The following STARD13 variants were observed in gnomAD, a reference collection of about 807,000 sequenced individuals.
STARD13 encodes the protein stAR-related lipid transfer protein 13.
A neutral mutation model predicts 106.4 loss-of-function variants in STARD13; 62 were observed. The observed-to-expected ratio is 0.58, with a 90% CI of 0.48 to 0.72. The LOEUF is 0.72. STARD13 is among the 30% of genes least tolerant of loss of function. STARD13 has a pLI of 0.00. For missense variants in STARD13, 1,387 were observed against 1,424.0 expected, an observed-to-expected ratio of 0.97 and a Z score of 0.42; for synonymous variants, 565 against 553.0, an observed-to-expected ratio of 1.02 and a Z score of -0.31.
At chr13:33,345,711 A>C (rs773707449), downstream of STARD13, among the ~76,000 whole-genome samples, 6 of 152,172 alleles carry the variant, frequency 3.9e-5, no homozygotes, top group Non-Finnish European at 7.4e-5. Flanking sequence ...GTTCTTCTTT[A>C]ACAATAACTC....
the STARD13 span, among the ~76,000 whole-genome samples, chr13:33,381,939 C>T: frequency 6.6e-6 from 1 of 152,222 alleles, no homozygotes; most frequent in Non-Finnish European, 1.5e-5. Flanking sequence ...CACCTGCCCC[C>T]TCTAGGGCTT....
At chr13:33,182,685 G>A (rs567485072) in intron 1 of STARD13, among the ~76,000 whole-genome samples, 5 of 152,322 alleles carry the variant, frequency 3.3e-5, no homozygotes, top group Middle Eastern at 3.4e-3. Flanking sequence ...GGCTGCATGC[G>A]GCCTGGGGCC....
chr13:33,528,248 A>ATATATACATATATATGTATATG, the STARD13 span, among the ~76,000 whole-genome samples: 1 of 129,804 alleles, frequency 7.7e-6, no homozygotes, highest in African/African-American at 3.5e-5. Flanking sequence ...ATATACATAT[A>ATATATACATATATATGTATATG]TATATATACA....
chr13:33,557,592 T>C, the STARD13 span, among the ~76,000 whole-genome samples: 1 of 152,230 alleles, frequency 6.6e-6, no homozygotes, highest in African/African-American at 2.4e-5. Context: ...TTTCTCTTTA[T>C]ATTTCTAGTA....
chr13:33,255,194 G>A (rs555975784), intron 1 of STARD13, among the ~76,000 whole-genome samples: 5 of 151,968 alleles, frequency 3.3e-5, no homozygotes, highest in African/African-American at 7.2e-5. Flanking sequence ...GAACTCTCCC[G>A]TTTCACTGTG....
At chr13:33,328,393 C>G (rs2077800624) in intron 1 of STARD13, among the ~76,000 whole-genome samples, 1 of 152,164 alleles carries the variant, frequency 6.6e-6, no homozygotes, top group Non-Finnish European at 1.5e-5. Context: ...TAGTACTAAC[C>G]CTATGGGCCA....
chr13:33,301,325 C>T (rs548530036), intron 1 of STARD13, among the ~76,000 whole-genome samples: 1 of 152,112 alleles, frequency 6.6e-6, no homozygotes, highest in East Asian at 1.9e-4. Context: ...GGACCAGTGC[C>T]CTGATGGTTA....
At chr13:33,167,739 T>C in intron 1 of STARD13, 117 bp from the exon 2 acceptor site, 1 of 1,019,730 alleles carries the variant, frequency 9.8e-7, no homozygotes, top group East Asian at 2.5e-5. Context: ...GCAAAATTGT[T>C]CCAGGTAAGT....
chr13:33,219,998 G>A (rs1888266797), intron 1 of STARD13, among the ~76,000 whole-genome samples: 1 of 152,024 alleles, frequency 6.6e-6, no homozygotes, highest in Admixed American at 6.6e-5. Context: ...TTCTTCCACA[G>A]CACATTTCAC....
chr13:33,177,672 A>C (rs1884659355), intron 1 of STARD13, among the ~76,000 whole-genome samples: 1 of 151,948 alleles, frequency 6.6e-6, no homozygotes, highest in African/African-American at 2.4e-5. Context: ...GTTACTAAGC[A>C]AAAATATAAG....
chr13:33,601,401 C>T, the STARD13 span, among the ~76,000 whole-genome samples: 23 of 152,030 alleles, frequency 1.5e-4, no homozygotes, highest in Admixed American at 1.4e-3. Flanking sequence ...TGAACCTGAT[C>T]GTGTCAAACT....
the STARD13 span, among the ~76,000 whole-genome samples, chr13:33,508,862 T>C: frequency 0.51 from 78,073 of 152,076 alleles, 21,062 homozygotes; most frequent in African/African-American, 0.69. Flanking sequence ...GTATAGCCTA[T>C]CACACACCTA....
At chr13:33,566,597 T>C in the STARD13 span, among the ~76,000 whole-genome samples, 1 of 148,230 alleles carries the variant, frequency 6.7e-6, no homozygotes, top group Non-Finnish European at 1.5e-5. Flanking sequence ...TTCATTTCTG[T>C]GAAACCTGCA....
chr13:33,176,462 T>C (rs900697867), intron 1 of STARD13, among the ~76,000 whole-genome samples: 4 of 152,160 alleles, frequency 2.6e-5, no homozygotes, highest in African/African-American at 9.7e-5. Context: ...AATGAAATTG[T>C]TACTAGGTTT....
Position 33,129,614 on chromosome 13 carries a change from C to T in STARD13, c.1063G>A (p.Glu355Lys), listed in dbSNP as rs559020375. Residue 355 changes from glutamate to lysine, a missense_variant, in exon 5 of 14, where the codon GAG (glutamate) becomes AAG (lysine). Glu to Lys is a moderately conservative substitution (Grantham distance 56, BLOSUM62 1). Coordinates refer to ENST00000336934, the MANE Select transcript of STARD13 (RefSeq NM_178006.4). ...TPCLKERKCH[E>K]ANKRGGMYLE... ...TACATGCCCCCGCGCTTGTTGGCCT[C>T]GTGGCACTTGCGTTCCTTCAGGCAG... The T allele has an allele frequency of 2.1e-5, 34 of 1,614,054 alleles. No homozygotes were observed. In the East Asian group the frequency reaches 5.1e-4, roughly 24 times the overall value.
At position 33,229,334 on chromosome 13, in the gene STARD13, TGAAGACTGTG is replaced by T. The variant is rs541905871; in HGVS notation, c.169+56126_169+56135del. 1.3e-3 allele frequency among the ~76,000 whole-genome samples: 193 copies of T among 151,896 alleles called. 1 individual carries two copies. The highest frequency in any genetic ancestry group is 4.5e-3 in the African/African-American group (186 of 41,400). On this transcript the variant is annotated intron_variant, in intron 1 of 13. Coordinates refer to ENST00000336934, the MANE Select transcript of STARD13 (RefSeq NM_178006.4). The stretch of plus-strand genomic sequence containing the variant: ...ACACAGACCAAAACCGACCCTATGG[TGAAGACTGTG>T]GAAACTCTCAACTTAAGAGGAAAGA...
chr13:33,229,567 A>G (rs1482068320), intron 1 of STARD13, among the ~76,000 whole-genome samples: 1 of 152,238 alleles, frequency 6.6e-6, no homozygotes, highest in Non-Finnish European at 1.5e-5. Context: ...ACTAAAAGTC[A>G]CATCACCCGT....
the STARD13 span, among the ~76,000 whole-genome samples, chr13:33,620,822 T>G: frequency 3.3e-5 from 5 of 150,702 alleles, no homozygotes; most frequent in African/African-American, 4.8e-5. Context: ...AATAAAAAAT[T>G]TAATACATAG....
At chr13:33,352,866 T>G (rs1018705458), upstream of STARD13, among the ~76,000 whole-genome samples, 3 of 152,222 alleles carry the variant, frequency 2.0e-5, no homozygotes, top group Non-Finnish European at 2.9e-5. Flanking sequence ...CAAGATCTGT[T>G]TCAAAGTTGA....
Sources: allele counts gnomAD v4.1 joint callset (sites outside exome capture counted in the v4.1 genomes callset), GRCh38; gene constraint gnomAD v4.1.1; transcripts MANE v1.5; gene names NCBI Gene and HGNC (gene_info 2026-07-23, HGNC 2026-07-21).